MAP2K4: variants seen among roughly 807,000 people sequenced by gnomAD.
MAP2K4 encodes the protein dual specificity mitogen-activated protein kinase kinase 4.
MAP2K4 carries 4 observed loss-of-function variants against 48.5 expected under a neutral mutation model. The ratio of observed to expected loss-of-function variants is 0.08; its 90% CI spans 0.04 to 0.19. MAP2K4 has a LOEUF of 0.19. Among genes scored for constraint, MAP2K4 ranks in the 10% least tolerant of loss-of-function variants. MAP2K4 has a pLI of 1.00. For missense variants in MAP2K4, 258 were observed against 493.3 expected (o/e 0.52, Z 4.52); for synonymous variants, 166 against 173.1 (o/e 0.96, Z 0.32).
At chr17:12,119,615 A>G (rs1972614620) in intron 7 of MAP2K4, among the ~76,000 whole-genome samples, 1 of 152,258 alleles carries the variant, frequency 6.6e-6, no homozygotes, top group African/African-American at 2.4e-5. Context: ...TTGTCATTCA[A>G]CCCAGCAGTT....
At chr17:12,030,222 T>A (rs1202733520) in intron 1 of MAP2K4, among the ~76,000 whole-genome samples, 1 of 152,158 alleles carries the variant, frequency 6.6e-6, no homozygotes, top group Non-Finnish European at 1.5e-5. Flanking sequence ...CTTCCCTAAT[T>A]TAATAATGTT....
At chr17:12,067,203 A>T (rs535970958) in intron 2 of MAP2K4, among the ~76,000 whole-genome samples, 2 of 152,318 alleles carry the variant, frequency 1.3e-5, no homozygotes, top group Admixed American at 1.3e-4. Flanking sequence ...ATTGGTAGCT[A>T]TTTAGATTAT....
intron 1 of MAP2K4, among the ~76,000 whole-genome samples, chr17:12,037,468 G>A (rs1286675590): frequency 6.6e-6 from 1 of 152,126 alleles, no homozygotes; most frequent in Non-Finnish European, 1.5e-5. Flanking sequence ...AGAAAATTCA[G>A]CTGGTTAAAT....
intron 1 of MAP2K4, among the ~76,000 whole-genome samples, chr17:12,032,048 C>T (rs1388467646): frequency 6.6e-6 from 1 of 152,056 alleles, no homozygotes; most frequent in African/African-American, 2.4e-5. Flanking sequence ...ACAATTTAAA[C>T]TTGATTTCAG....
intron 1 of MAP2K4, among the ~76,000 whole-genome samples, chr17:12,027,917 G>T (rs1969310798): frequency 6.6e-6 from 1 of 152,170 alleles, no homozygotes; most frequent in African/African-American, 2.4e-5. Context: ...GCACCAGAAA[G>T]ATAGGGAAGG....
chr17:12,026,208 G>C (rs546173950), intron 1 of MAP2K4, among the ~76,000 whole-genome samples: 3 of 152,328 alleles, frequency 2.0e-5, no homozygotes, highest in African/African-American at 7.2e-5. Context: ...AATGTGTGCT[G>C]AAACTTGTTT....
chr17:12,088,014 C>T (rs1971423493), intron 3 of MAP2K4, among the ~76,000 whole-genome samples: 2 of 152,118 alleles, frequency 1.3e-5, no homozygotes, highest in South Asian at 4.2e-4. Flanking sequence ...AGATTTTCTG[C>T]AGCCCAGAGG....
chr17:12,128,725 G>C (rs1467969041), intron 8 of MAP2K4, among the ~76,000 whole-genome samples: 1 of 152,204 alleles, frequency 6.6e-6, no homozygotes, highest in African/African-American at 2.4e-5. Context: ...TTAAAAAGGA[G>C]TCTAACCACG....
At chr17:12,061,366 C>T (rs1181876933) in intron 2 of MAP2K4, among the ~76,000 whole-genome samples, 1 of 152,152 alleles carries the variant, frequency 6.6e-6, no homozygotes, top group African/African-American at 2.4e-5. Flanking sequence ...GTCCCACATT[C>T]CACCTCAGTG....
intron 1 of MAP2K4, chr17:12,032,299 G>A (rs1969464871): frequency 1.5e-6 from 2 of 1,375,628 alleles, no homozygotes; most frequent in Admixed American, 2.5e-5. Context: ...AAGGCACAAA[G>A]TAAGCTACAA....
intron 2 of MAP2K4, among the ~76,000 whole-genome samples, chr17:12,075,211 G>A (rs1029456764): frequency 6.6e-6 from 1 of 152,178 alleles, no homozygotes; most frequent in African/African-American, 2.4e-5. Context: ...GAAAAATCTC[G>A]AGGAGAGAAC....
At chr17:12,104,661 T>G (rs1009522614) in intron 4 of MAP2K4, among the ~76,000 whole-genome samples, 30 of 152,158 alleles carry the variant, frequency 2.0e-4, no homozygotes, top group Non-Finnish European at 5.9e-5. Context: ...ATCTTTTGTT[T>G]CTTTACATCC....
chr17:12,067,337 A>T (rs1013493788), intron 2 of MAP2K4, among the ~76,000 whole-genome samples: 1 of 152,150 alleles, frequency 6.6e-6, no homozygotes, highest in Non-Finnish European at 1.5e-5. Flanking sequence ...TTCTTGTCAT[A>T]GGAGAGACTG....
At chr17:12,045,181 C>T (rs1475382626) in intron 1 of MAP2K4, among the ~76,000 whole-genome samples, 2 of 151,984 alleles carry the variant, frequency 1.3e-5, no homozygotes, top group Admixed American at 1.3e-4. Flanking sequence ...TTGTGTTGTA[C>T]ACATTTTTTT....
At chr17:12,130,208 T>C (rs1405139012) in intron 9 of MAP2K4, among the ~76,000 whole-genome samples, 1 of 152,162 alleles carries the variant, frequency 6.6e-6, no homozygotes, top group Non-Finnish European at 1.5e-5. Context: ...TTTAAAAATA[T>C]TTGTTTGACT....
At chr17:12,131,636 G>T (rs115614024) in intron 9 of MAP2K4, among the ~76,000 whole-genome samples, 2 of 151,932 alleles carry the variant, frequency 1.3e-5, no homozygotes, top group African/African-American at 4.8e-5. Flanking sequence ...AGCACATACA[G>T]GATAATATGG....
rs1969007284 is a variant in MAP2K4 at position 12,020,911 on chromosome 17, G to GGCGGCGGCTCCGGGGGCGGCA, written c.31_51dup (p.Gly11_Gly17dup). 1.3e-5 allele frequency: 16 copies of GGCGGCGGCTCCGGGGGCGGCA among 1,215,702 alleles called. No homozygotes were observed. The highest frequency in any genetic ancestry group is 1.6e-5 in the Non-Finnish European group (16 of 977,582). 75.3% of individuals were successfully genotyped at this position (1,215,702 alleles called of 1,614,324 possible). A position where few individuals can be genotyped will look rare whatever the true frequency, so the allele number is the denominator to read the frequency against. On this transcript the variant is annotated inframe_insertion, in exon 1 of 11. Transcript: ENST00000353533. The stretch of plus-strand genomic sequence containing the variant: ...AATGGCGGCTCCGAGCCCGAGCGGC[G>GGCGGCGGCTCCGGGGGCGGCA]GCGGCGGCTCCGGGGGCGGCAGCGG...
intron 1 of MAP2K4, among the ~76,000 whole-genome samples, chr17:12,042,167 C>CAAAAAAAAAAAAAAAAAAAA (rs71142262): frequency 1.8e-5 from 1 of 55,384 alleles, no homozygotes; most frequent in Non-Finnish European, 3.2e-5. Flanking sequence ...AACTTTGTCT[C>CAAAAAAAAAAAAAAAAAAAA]AAAAAAAAAA....
rs370856984 is a variant in MAP2K4 at position 12,129,136 on chromosome 17, T to C, written c.892-3T>C. 9.9e-6 allele frequency: 16 copies of C among 1,613,378 alleles called. No individual in the cohort carries two copies. The African/African-American group carries it at 2.0e-4, about 20-fold the overall frequency. On this transcript the variant is annotated splice_region_variant and splice_polypyrimidine_tract_variant and intron_variant, in intron 8 of 10. Transcript: ENST00000353533. ...TTTGCTCTTTCCTCTTTGTTCTCTTTAGTATGAGTTGGCCACAGGCCGATT... is the reference window on the plus strand; with the variant it reads ...TTTGCTCTTTCCTCTTTGTTCTCTTCAGTATGAGTTGGCCACAGGCCGATT...
Sources: gnomAD v4.1 joint callset for allele counts (sites outside exome capture counted in the v4.1 genomes callset) on GRCh38, gnomAD v4.1.1 for gene constraint, MANE v1.5 for transcripts, NCBI Gene and HGNC (gene_info 2026-07-23, HGNC 2026-07-21) for gene names.